The following APBB2 variants were observed in gnomAD, a reference collection of about 807,000 sequenced individuals.
APBB2 encodes amyloid beta precursor protein binding family B member 2.
In APBB2, 38 loss-of-function variants were observed where a neutral mutation model predicts 82.5. That is an observed-to-expected ratio of 0.46 (90% CI 0.36 to 0.60). The LOEUF (loss-of-function observed/expected upper bound fraction) is 0.60, where lower values mean the gene tolerates loss of function less well. APBB2 is among the 20% of genes least tolerant of loss of function. APBB2 has a pLI of 0.00. For missense variants in APBB2, 772 were observed against 972.3 expected (o/e 0.79, Z 2.74); for synonymous variants, 341 against 368.2 (o/e 0.93, Z 0.85).
chr4:40,980,274 T>A (rs1467360136), intron 6 of APBB2, among the ~76,000 whole-genome samples: 1 of 152,218 alleles, frequency 6.6e-6, no homozygotes, highest in East Asian at 1.9e-4. Context: ...TCCACTCACC[T>A]TGGCCTCCCG....
At chr4:40,925,828 C>A (rs574308902) in intron 10 of APBB2, among the ~76,000 whole-genome samples, 3 of 152,176 alleles carry the variant, frequency 2.0e-5, no homozygotes, top group African/African-American at 7.2e-5. Flanking sequence ...TCATGAAAAT[C>A]TATGCTAATA....
chr4:41,038,990 A>C (rs182850357), intron 4 of APBB2, among the ~76,000 whole-genome samples: 3 of 152,382 alleles, frequency 2.0e-5, no homozygotes, highest in African/African-American at 7.2e-5. Context: ...CACTGCTGCC[A>C]ATAACATCAA....
chr4:41,029,249 T>C (rs911933280), intron 5 of APBB2, among the ~76,000 whole-genome samples: 1 of 152,232 alleles, frequency 6.6e-6, no homozygotes, highest in Non-Finnish European at 1.5e-5. Flanking sequence ...TAAACTCTGA[T>C]TTTTCTTTTC....
chr4:40,984,929 A>AT (rs908115300), intron 6 of APBB2, among the ~76,000 whole-genome samples: 36 of 149,724 alleles, frequency 2.4e-4, no homozygotes, highest in East Asian at 1.6e-3. Flanking sequence ...GTTACAGATG[A>AT]TTTTTTTTTT....
intron 6 of APBB2, among the ~76,000 whole-genome samples, chr4:41,005,715 A>G (rs1560505642): frequency 6.6e-6 from 1 of 152,168 alleles, no homozygotes; most frequent in Non-Finnish European, 1.5e-5. Context: ...TAAAATCTGT[A>G]TTTTCAAAAT....
intron 5 of APBB2, among the ~76,000 whole-genome samples, chr4:41,024,478 A>G (rs1713126644): frequency 6.6e-6 from 1 of 152,206 alleles, no homozygotes; most frequent in Non-Finnish European, 1.5e-5. Context: ...TTGAAGAACG[A>G]AAGAAAAATA....
intron 7 of APBB2, among the ~76,000 whole-genome samples, chr4:40,939,867 TA>T (rs5857761): frequency 2.6e-5 from 4 of 151,378 alleles, no homozygotes; most frequent in South Asian, 2.1e-4. Context: ...TCAGAGAAGT[TA>T]AAAAAAAATC....
intron 1 of APBB2, among the ~76,000 whole-genome samples, chr4:41,171,089 C>T (rs1768105307): frequency 6.6e-6 from 1 of 152,166 alleles, no homozygotes; most frequent in African/African-American, 2.4e-5. Flanking sequence ...TCCATGTAGG[C>T]TTGCCTCCAG....
intron 12 of APBB2, among the ~76,000 whole-genome samples, chr4:40,843,172 C>T (rs769537061): frequency 2.6e-5 from 4 of 152,142 alleles, no homozygotes; most frequent in Non-Finnish European, 5.9e-5. Flanking sequence ...GCAACTAGAC[C>T]GAAGAGCATG....
chr4:40,950,031 C>T (rs771000721), intron 6 of APBB2, among the ~76,000 whole-genome samples: 18 of 152,156 alleles, frequency 1.2e-4, no homozygotes, highest in African/African-American at 3.6e-4. Context: ...GACTGGAATT[C>T]GGACCAACTG....
intron 6 of APBB2, among the ~76,000 whole-genome samples, chr4:40,975,776 ACACACACACACAC>A (rs999806473): frequency 6.0e-5 from 9 of 151,116 alleles, no homozygotes; most frequent in African/African-American, 1.7e-4. Context: ...ACACACACAC[ACACACACACACAC>A]AACAACCACT....
chr4:41,181,955 A>AG (rs1771520577), intron 1 of APBB2, among the ~76,000 whole-genome samples: 1 of 151,830 alleles, frequency 6.6e-6, no homozygotes, highest in Non-Finnish European at 1.5e-5. Flanking sequence ...AAAAAAAAAA[A>AG]AAAAAAGAAA....
intron 1 of APBB2, among the ~76,000 whole-genome samples, chr4:41,152,711 T>C (rs537806121): frequency 1.1e-4 from 17 of 152,324 alleles, no homozygotes; most frequent in African/African-American, 3.8e-4. Context: ...GCCGATTTGA[T>C]TGATGTTAGT....
chr4:40,904,685 T>C (rs1162404775), intron 10 of APBB2, among the ~76,000 whole-genome samples: 1 of 49,296 alleles, frequency 2.0e-5, no homozygotes, highest in African/African-American at 8.6e-5. Flanking sequence ...TTGTTATTGC[T>C]TTTTTTTTTT....
intron 6 of APBB2, among the ~76,000 whole-genome samples, chr4:40,975,271 A>G (rs1796861996): frequency 6.6e-6 from 1 of 152,246 alleles, no homozygotes; most frequent in Non-Finnish European, 1.5e-5. Flanking sequence ...GTAAGGGCCC[A>G]GAGAGTCTTC....
intron 2 of APBB2, among the ~76,000 whole-genome samples, chr4:41,109,142 G>A (rs1177651549): frequency 3.9e-5 from 6 of 152,082 alleles, no homozygotes; most frequent in African/African-American, 1.4e-4. Flanking sequence ...GGTTCTCGCT[G>A]TAATCCCGAC....
At chr4:41,033,101 A>C in intron 5 of APBB2, 135 bp downstream of exon 5, 1 of 711,568 alleles carries the variant, frequency 1.4e-6, no homozygotes, top group South Asian at 1.7e-5. Flanking sequence ...TTTTTCTATT[A>C]CATTAGTGAA....
chr4:40,886,858 C>A (rs923813932), intron 12 of APBB2, among the ~76,000 whole-genome samples: 4 of 152,220 alleles, frequency 2.6e-5, no homozygotes, highest in Non-Finnish European at 4.4e-5. Context: ...GCTCATGAAA[C>A]CCCTTGCCCC....
At chr4:40,871,518 T>C (rs1405061469) in intron 12 of APBB2, among the ~76,000 whole-genome samples, 2 of 152,222 alleles carry the variant, frequency 1.3e-5, no homozygotes, top group African/African-American at 4.8e-5. Context: ...AGTGTCCATA[T>C]TAACAGCTAA....
Sources: allele counts gnomAD v4.1 joint callset (sites outside exome capture counted in the v4.1 genomes callset), GRCh38; gene constraint gnomAD v4.1.1; transcripts MANE v1.5; gene names NCBI Gene and HGNC (gene_info 2026-07-23, HGNC 2026-07-21).